Variants in ITPR1 observed in about 807,000 individuals in gnomAD.
ITPR1 encodes inositol 1,4,5-trisphosphate receptor type 1, also known as inositol 1,4,5-trisphosphate-gated calcium channel ITPR1.
Under a neutral mutation model 318.4 loss-of-function variants are expected in ITPR1, and 96 were observed. The ratio of observed to expected loss-of-function variants is 0.30; its 90% CI spans 0.26 to 0.36. The LOEUF (loss-of-function observed/expected upper bound fraction) is 0.36. Among genes scored for constraint, ITPR1 ranks in the 10% least tolerant of loss-of-function variants. The pLI, the probability that ITPR1 is intolerant of heterozygous loss-of-function variation, is 1.00. For missense variants in ITPR1, 2,440 were observed against 3,460.2 expected, an observed-to-expected ratio of 0.71 and a Z score of 7.40; for synonymous variants, 1,312 against 1,289.9, an observed-to-expected ratio of 1.02 and a Z score of -0.37.
intron 52 of ITPR1, among the ~76,000 whole-genome samples, chr3:4,788,972 C>T (rs963761204): frequency 2.8e-4 from 43 of 152,286 alleles, no homozygotes; most frequent in Middle Eastern, 3.4e-3. Context: ...TCGTCTTCTC[C>T]GTGATGCTGC....
intron 4 of ITPR1, among the ~76,000 whole-genome samples, chr3:4,614,510 A>C (rs1213286509): frequency 6.6e-6 from 1 of 152,224 alleles, no homozygotes; most frequent in Non-Finnish European, 1.5e-5. Flanking sequence ...TGTGGTTATT[A>C]CCTCTTTATA....
chr3:4,818,319 G>T (rs573479149), intron 60 of ITPR1, 77 bp downstream of exon 60: 6 of 1,187,898 alleles, frequency 5.1e-6, no homozygotes, highest in Non-Finnish European at 4.7e-6. Context: ...GCAGCCCATC[G>T]GGGAGCTGCA....
intron 43 of ITPR1, among the ~76,000 whole-genome samples, chr3:4,733,833 G>A (rs753995567): frequency 6.6e-6 from 1 of 152,148 alleles, no homozygotes; most frequent in Admixed American, 6.5e-5. Flanking sequence ...CTGTACAGAA[G>A]TGCTTACTTT....
intron 4 of ITPR1, among the ~76,000 whole-genome samples, chr3:4,547,514 T>G (rs145954830): frequency 6.6e-6 from 1 of 152,354 alleles, no homozygotes; most frequent in Non-Finnish European, 1.5e-5. Flanking sequence ...CAAAGGACTT[T>G]AGCACATAGG....
At chr3:4,586,944 G>A (rs544686355) in intron 4 of ITPR1, among the ~76,000 whole-genome samples, 25 of 151,992 alleles carry the variant, frequency 1.6e-4, no homozygotes, top group Non-Finnish European at 3.4e-4. Context: ...GTAGGTCTCC[G>A]ACCTGCGGGT....
At chr3:4,843,730 G>T (rs2051544732) in intron 61 of ITPR1, among the ~76,000 whole-genome samples, 1 of 152,198 alleles carries the variant, frequency 6.6e-6, no homozygotes, top group Non-Finnish European at 1.5e-5. Flanking sequence ...TAAGGATAGG[G>T]ACGGAGGGAG....
At chr3:4,706,457 A>G in intron 37 of ITPR1, 106 bp downstream of exon 37, 2 of 991,306 alleles carry the variant, frequency 2.0e-6, no homozygotes, top group Non-Finnish European at 2.9e-6. Context: ...GGCCGTGGGA[A>G]GATGTCGGTG....
At chr3:4,819,520 A>G (rs1474607233) in intron 60 of ITPR1, among the ~76,000 whole-genome samples, 1 of 152,232 alleles carries the variant, frequency 6.6e-6, no homozygotes, top group Non-Finnish European at 1.5e-5. Flanking sequence ...AGAGCCTCAC[A>G]GAGGAGACAA....
chr3:4,543,168 G>A (rs563101400), intron 4 of ITPR1, among the ~76,000 whole-genome samples: 1 of 151,890 alleles, frequency 6.6e-6, no homozygotes, highest in East Asian at 1.9e-4. Flanking sequence ...TACTCGACAG[G>A]CTTAGGTGGG....
intron 44 of ITPR1, among the ~76,000 whole-genome samples, chr3:4,738,593 G>A (rs985131118): frequency 1.3e-5 from 2 of 152,238 alleles, no homozygotes; most frequent in African/African-American, 2.4e-5. Context: ...GCTGAGGGCC[G>A]CCAGCACTGA....
intron 21 of ITPR1, 45 bp downstream of exon 21, chr3:4,673,432 G>A: frequency 1.3e-6 from 2 of 1,536,108 alleles, no homozygotes; most frequent in Non-Finnish European, 1.8e-6. Context: ...ATTCTGTGCG[G>A]CAGTAGATAG....
chr3:4,691,085 A>T, intron 31 of ITPR1, 59 bp from the exon 32 acceptor site: 1 of 1,175,912 alleles, frequency 8.5e-7, no homozygotes, highest in Non-Finnish European at 1.2e-6. Context: ...CTCACTTTTT[A>T]ATCTGTTCTG....
intron 54 of ITPR1, among the ~76,000 whole-genome samples, chr3:4,802,674 C>G (rs1298046850): frequency 1.3e-5 from 2 of 151,808 alleles, no homozygotes; most frequent in Non-Finnish European, 1.5e-5. Context: ...AAAAAAAATA[C>G]AAAAATTAGC....
intron 4 of ITPR1, among the ~76,000 whole-genome samples, chr3:4,568,079 G>T (rs1344855061): frequency 6.6e-6 from 1 of 152,316 alleles, no homozygotes; most frequent in East Asian, 1.9e-4. Flanking sequence ...AGAGCCTGAA[G>T]GCGCAGACCT....
At chr3:4,568,438 C>T (rs2087613487) in intron 4 of ITPR1, among the ~76,000 whole-genome samples, 1 of 152,294 alleles carries the variant, frequency 6.6e-6, no homozygotes, top group South Asian at 2.1e-4. Flanking sequence ...TATTTCTTCC[C>T]TGGAGCTAAC....
At chr3:4,728,437 TAGG>T (rs1200647393) in intron 42 of ITPR1, among the ~76,000 whole-genome samples, 3 of 152,198 alleles carry the variant, frequency 2.0e-5, no homozygotes, top group South Asian at 2.1e-4. Context: ...CGTCGGTGTC[TAGG>T]AGAATTTTTC....
rs550281233 is a variant in ITPR1 at position 4,750,482 on chromosome 3, A to T, written c.5544+15128A>T. 2.0e-5 allele frequency: 3 copies of T among 152,312 alleles called. No individual in the cohort carries two copies. The South Asian group carries it at 6.2e-4, about 32-fold the overall frequency. The allele number at this position is 152,312 out of a possible 1,614,324, so 9.4% of individuals were successfully genotyped here. On this transcript the variant is annotated intron_variant, in intron 44 of 61. Coordinates refer to ENST00000649015, the MANE Select transcript of ITPR1 (RefSeq NM_001378452.1). ...AAGAGATGTTATATAACTTCTATTT[A>T]TATCCTCCTTGCTCACTATCTGCAG...
At chr3:4,510,446 T>G (rs1450822939) in intron 2 of ITPR1, among the ~76,000 whole-genome samples, 1 of 152,110 alleles carries the variant, frequency 6.6e-6, no homozygotes, top group Non-Finnish European at 1.5e-5. Flanking sequence ...GGAGTCCAGT[T>G]GAGAAATGAT....
intron 53 of ITPR1, among the ~76,000 whole-genome samples, chr3:4,799,090 T>A (rs1302551676): frequency 2.0e-5 from 3 of 152,234 alleles, no homozygotes; most frequent in East Asian, 1.9e-4. Context: ...ATGGATTTTT[T>A]AAAATATTGA....
Sources: allele counts gnomAD v4.1 joint callset (sites outside exome capture counted in the v4.1 genomes callset), GRCh38; gene constraint gnomAD v4.1.1; transcripts MANE v1.5; gene names NCBI Gene and HGNC (gene_info 2026-07-23, HGNC 2026-07-21).